The following ZP2 variants were observed in gnomAD, a reference collection of about 807,000 sequenced individuals.
The protein encoded by ZP2 is zona pellucida sperm-binding protein 2.
A neutral mutation model predicts 84.0 loss-of-function variants in ZP2; 51 were observed. That is an observed-to-expected ratio of 0.61 (90% CI 0.49 to 0.77). ZP2 has a LOEUF of 0.77. Ranked by LOEUF, ZP2 falls within the 30% of genes least tolerant of loss-of-function variation. The pLI, the probability that ZP2 is intolerant of heterozygous loss-of-function variation, is 0.00. For missense variants in ZP2, 909 were observed against 911.9 expected (o/e 1.00, Z 0.04); for synonymous variants, 375 against 330.9 (o/e 1.13, Z -1.45).
intron 7 of ZP2, 152 bp from the exon 8 acceptor site, chr16:21,204,556 T>A: frequency 1.5e-6 from 1 of 661,552 alleles, no homozygotes; most frequent in South Asian, 1.9e-5. Flanking sequence ...ATTTGTCTAA[T>A]CTGGAGGTAT....
At chr16:21,207,951 G>A (rs545219732) in intron 4 of ZP2, among the ~76,000 whole-genome samples, 1 of 152,278 alleles carries the variant, frequency 6.6e-6, no homozygotes, top group South Asian at 2.1e-4. Flanking sequence ...TAGGCACAGT[G>A]GTTCATGCCT....
intron 7 of ZP2, 32 bp from the exon 8 acceptor site, chr16:21,204,436 A>G: frequency 1.9e-6 from 3 of 1,574,028 alleles, no homozygotes; most frequent in Non-Finnish European, 2.6e-6. Flanking sequence ...ATCTTCAAAA[A>G]CATTGGTTAC....
At chr16:21,200,986 G>A (rs1347618041) in intron 14 of ZP2, among the ~76,000 whole-genome samples, 1 of 152,156 alleles carries the variant, frequency 6.6e-6, no homozygotes, top group African/African-American at 2.4e-5. Context: ...ATCACCTGAA[G>A]TCAGGAGTTC....
intron 3 of ZP2, 111 bp downstream of exon 3, chr16:21,209,998 T>C (rs768627739): frequency 1.6e-5 from 15 of 949,516 alleles, no homozygotes; most frequent in Admixed American, 1.9e-5. Context: ...ATCATGGGAG[T>C]TGGATGCCGT....
chr16:21,208,525 A>G (rs2093260431), intron 4 of ZP2, among the ~76,000 whole-genome samples: 2 of 151,932 alleles, frequency 1.3e-5, no homozygotes, highest in Non-Finnish European at 2.9e-5. Flanking sequence ...GATTCCCAGA[A>G]CTCACCCCAG....
chr16:21,209,208 C>T (rs920669680), intron 4 of ZP2, among the ~76,000 whole-genome samples: 34 of 152,110 alleles, frequency 2.2e-4, no homozygotes, highest in African/African-American at 7.7e-4. Flanking sequence ...CTCTTGTTGC[C>T]CAGGCTGGAG....
At position 21,201,380 on chromosome 16, in the gene ZP2, A is replaced by G; in HGVS notation, c.1683T>C (p.Val561=). ...MDPDSFPQWN[V]VVDGCAYDLD... ...CAGGGAGTACCTACCCATCCACGACAACGTTCCACTGGGGGAAAGAGTCTG... is the reference window on the plus strand; with the variant it reads ...CAGGGAGTACCTACCCATCCACGACGACGTTCCACTGGGGGAAAGAGTCTG... The change falls in exon 14 of 19, where the codon GTT becomes GTC. Residue 561 remains valine, a synonymous_variant. Coordinates refer to ENST00000574091, the MANE Select transcript of ZP2 (RefSeq NM_001376232.1). The G allele has an allele frequency of 1.3e-6, 2 of 1,578,138 alleles. No individual in the cohort carries two copies. Among genetic ancestry groups the G allele is most frequent in the Non-Finnish European group, 1.7e-6 (2 of 1,161,764 alleles).
rs923305615 is a variant in ZP2, at chr16:21,201,536, A to G, written c.1527T>C (p.Tyr509=). ...SYPDNSYQQP[Y]GENEYPLVRF... ...TCACTAGAGGGTACTCGTTTTCCCC[A>G]TAAGGTTGTTGGTAGGAATTATCTG... Residue 509 remains tyrosine, a synonymous_variant, in exon 14 of 19, where the codon TAT becomes TAC. Coordinates refer to ENST00000574091, the MANE Select transcript of ZP2 (RefSeq NM_001376232.1). 1.2e-6 allele frequency: 2 copies of G among 1,610,002 alleles called. No individual in the cohort carries two copies. Among genetic ancestry groups the G allele is most frequent in the South Asian group, 1.1e-5 (1 of 90,176 alleles).
Position 21,199,858 on chromosome 16 carries a change from T to A in ZP2, c.1715A>T (p.Asn572Ile). ...GACTGGATGGAAGGTGGTCTGGTAG[T>A]TGTCCAGGTCATATGCACAGCTAGG... ...VVDGCAYDLD[N>I]YQTTFHPVGS... Residue 572 changes from asparagine to isoleucine, a missense_variant, in exon 15 of 19, where the codon AAC (asparagine) becomes ATC (isoleucine). Coordinates refer to ENST00000574091, the MANE Select transcript of ZP2 (RefSeq NM_001376232.1). The A allele has an allele frequency of 6.2e-7, 1 of 1,612,704 alleles. No individual in the cohort carries two copies. The highest frequency in any genetic ancestry group is 8.5e-7 in the Non-Finnish European group (1 of 1,179,998).
In ZP2 at chr16:21,206,930, C is replaced by A. The variant is rs776033707; in HGVS notation, c.391G>T (p.Ala131Ser). 1 of 1,614,146 alleles carries A rather than the reference C, an allele frequency of 6.2e-7. No individual in the cohort carries two copies. Among genetic ancestry groups the A allele is most frequent in the East Asian group, 2.2e-5 (1 of 44,890 alleles). Reference protein sequence around the residue: ...MNNSAALRHGAVMYQFFCPAM... With the variant: ...MNNSAALRHGSVMYQFFCPAM... ...GGACAGAAGAACTGATACATGACAG[C>A]TCCGTGTCTTAAGGCAGCACTGTTG... Residue 131 changes from alanine to serine, a missense_variant, in exon 5 of 19, where the codon GCT (alanine) becomes TCT (serine). Coordinates refer to ENST00000574091, the MANE Select transcript of ZP2 (RefSeq NM_001376232.1).
At chr16:21,212,987 A>G (rs2152857169), upstream of ZP2, among the ~76,000 whole-genome samples, 1 of 152,348 alleles carries the variant, frequency 6.6e-6, no homozygotes, top group East Asian at 1.9e-4. Flanking sequence ...GTGGTGGGTG[A>G]CACTTGCAAT....
intron 2 of ZP2, among the ~76,000 whole-genome samples, chr16:21,210,721 CCCA>C (rs2093270765): frequency 1.3e-5 from 2 of 152,012 alleles, no homozygotes; most frequent in Admixed American, 1.3e-4. Context: ...ATTACATGTG[CCCA>C]CCACCACACC....
intron 14 of ZP2, 130 bp downstream of exon 14, chr16:21,201,239 T>C: frequency 1.3e-6 from 1 of 776,680 alleles, no homozygotes; most frequent in Non-Finnish European, 1.9e-6. Context: ...AGAGTCCCAA[T>C]TAGAAAACAA....
At chr16:21,211,581 G>A (rs192864552), upstream of ZP2, 19 of 1,613,860 alleles carry the variant, frequency 1.2e-5, no homozygotes, top group Admixed American at 3.0e-4. Context: ...CCAGGTAGAG[G>A]GTAGGCTGCT....
In ZP2 at chr16:21,197,591, A is replaced by G; in HGVS notation, c.2127T>C (p.Ala709=). 3 of 1,614,214 alleles carry G rather than the reference A, an allele frequency of 1.9e-6. No individual in the cohort carries two copies. Among genetic ancestry groups the G allele is most frequent in the Non-Finnish European group, 2.5e-6 (3 of 1,180,030 alleles). Residue 709 remains alanine (A), a synonymous_variant, in exon 19 of 19, where the codon GCT becomes GCC. Coordinates refer to ENST00000574091, the MANE Select transcript of ZP2 (RefSeq NM_001376232.1). ...GAMDTKGHKT[A]GDVGSKAVAA... ...CCACAGCTTTGGAACCAACATCTCC[A>G]GCAGTCTTGTGCCCTTTGGTGTCCA...
At chr16:21,201,888 A>C (rs749564000) in intron 12 of ZP2, 44 bp downstream of exon 12, 9 of 1,612,736 alleles carry the variant, frequency 5.6e-6, no homozygotes, top group East Asian at 2.2e-5. Flanking sequence ...AAATTGCTTG[A>C]GTTTAAACTA....
At chr16:21,214,233 C>G, upstream of ZP2, 1 of 985,204 alleles carries the variant, frequency 1.0e-6, no homozygotes, top group Non-Finnish European at 1.2e-6. Flanking sequence ...TCACCTAACC[C>G]AGACCTGTGG....
intron 5 of ZP2, 61 bp downstream of exon 5, chr16:21,206,776 AT>A: frequency 6.2e-7 from 1 of 1,602,096 alleles, no homozygotes; most frequent in African/African-American, 1.3e-5. Flanking sequence ...CCCTGGTTAG[AT>A]CATCATCATA....
chr16:21,203,033 A>G, intron 10 of ZP2, 92 bp downstream of exon 10: 2 of 1,460,416 alleles, frequency 1.4e-6, no homozygotes, highest in South Asian at 2.7e-5. Context: ...TATAAGCAAT[A>G]GATCAGAATC....
Sources: gnomAD v4.1 joint callset for allele counts (sites outside exome capture counted in the v4.1 genomes callset) on GRCh38, gnomAD v4.1.1 for gene constraint, MANE v1.5 for transcripts, NCBI Gene and HGNC (gene_info 2026-07-23, HGNC 2026-07-21) for gene names.